Variants in NAALADL2 observed in about 807,000 individuals in gnomAD.
NAALADL2 encodes N-acetylated alpha-linked acidic dipeptidase like 2.
In NAALADL2, 76 loss-of-function variants were observed where a neutral mutation model predicts 87.2. That is an observed-to-expected ratio of 0.87 (90% CI 0.72 to 1.05). NAALADL2 has a LOEUF of 1.05. Among genes scored for constraint, NAALADL2 ranks in the 50% least tolerant of loss-of-function variants. The pLI is 0.00. For synonymous variants in NAALADL2, 354 were observed against 331.0 expected (o/e 1.07, Z -0.75); for missense variants, 1,089 against 945.8 (o/e 1.15, Z -1.99).
chr3:174,936,353 A>G (rs1183542358), intron 1 of NAALADL2, among the ~76,000 whole-genome samples: 1 of 152,000 alleles, frequency 6.6e-6, no homozygotes, highest in Non-Finnish European at 1.5e-5. Flanking sequence ...TAATAATAAT[A>G]ATCTGTTTAG....
intron 2 of NAALADL2, among the ~76,000 whole-genome samples, chr3:174,618,798 A>T (rs1326195605): frequency 6.6e-6 from 1 of 151,918 alleles, no homozygotes; most frequent in Non-Finnish European, 1.5e-5. Context: ...TTAATTTTAT[A>T]AGTGTTATTT....
intron 13 of NAALADL2, among the ~76,000 whole-genome samples, chr3:175,774,785 G>T (rs933646524): frequency 1.3e-5 from 2 of 151,912 alleles, no homozygotes; most frequent in African/African-American, 4.8e-5. Flanking sequence ...ACATACTACC[G>T]AAAAGTAAAA....
At chr3:175,022,284 G>C (rs1291255842) in intron 1 of NAALADL2, among the ~76,000 whole-genome samples, 1 of 151,976 alleles carries the variant, frequency 6.6e-6, no homozygotes, top group Non-Finnish European at 1.5e-5. Context: ...ACTAATCATA[G>C]GGTACAAATA....
chr3:175,118,723 G>A (rs1044111611), intron 2 of NAALADL2, among the ~76,000 whole-genome samples: 3 of 151,784 alleles, frequency 2.0e-5, no homozygotes, highest in African/African-American at 7.3e-5. Flanking sequence ...TGTCAGAATA[G>A]ATTATAGTTC....
At chr3:175,762,192 A>ATTTTTTTTTTTTT (rs55668165) in intron 13 of NAALADL2, among the ~76,000 whole-genome samples, 14 of 114,134 alleles carry the variant, frequency 1.2e-4, no homozygotes, top group East Asian at 5.2e-4. Flanking sequence ...CTGTGTTTCG[A>ATTTTTTTTTTTTT]TTTTTTTTTT....
At chr3:175,426,547 G>A (rs2149142617) in intron 5 of NAALADL2, among the ~76,000 whole-genome samples, 1 of 152,198 alleles carries the variant, frequency 6.6e-6, no homozygotes, top group East Asian at 1.9e-4. Flanking sequence ...TAATGTGTCT[G>A]CAAGGGTATG....
At chr3:175,423,108 G>T (rs185665005) in intron 5 of NAALADL2, among the ~76,000 whole-genome samples, 1 of 138,084 alleles carries the variant, frequency 7.2e-6, no homozygotes, top group African/African-American at 2.7e-5. Context: ...CTTTTAAAAA[G>T]ATTTGCATGC....
intron 3 of NAALADL2, among the ~76,000 whole-genome samples, chr3:174,771,771 A>G (rs1333145451): frequency 6.6e-6 from 1 of 152,340 alleles, no homozygotes; most frequent in Middle Eastern, 3.4e-3. Context: ...GATTATTGTA[A>G]GAATACAAGG....
At chr3:174,930,466 T>C (rs1736694484) in intron 1 of NAALADL2, among the ~76,000 whole-genome samples, 1 of 151,948 alleles carries the variant, frequency 6.6e-6, no homozygotes, top group African/African-American at 2.4e-5. Flanking sequence ...AAACTTATTG[T>C]TGTGTACCTT....
chr3:174,797,305 CTTTTTTT>C (rs1160338109), intron 3 of NAALADL2, among the ~76,000 whole-genome samples: 43 of 72,724 alleles, frequency 5.9e-4, no homozygotes, highest in South Asian at 2.9e-3. Flanking sequence ...TTTCTTTTTT[CTTTTTTT>C]TTTTTTTTTT....
intron 1 of NAALADL2, among the ~76,000 whole-genome samples, chr3:174,954,267 A>T (rs982337314): frequency 6.6e-6 from 1 of 152,134 alleles, no homozygotes; most frequent in Non-Finnish European, 1.5e-5. Context: ...CCCCTTTTAC[A>T]TTTAAACCAT....
intron 1 of NAALADL2, among the ~76,000 whole-genome samples, chr3:174,499,635 G>C (rs995020850): frequency 6.6e-6 from 1 of 151,174 alleles, no homozygotes; most frequent in Non-Finnish European, 1.5e-5. Flanking sequence ...TTCTTTTTGT[G>C]TATGGATTTT....
rs765233495 is a variant in NAALADL2, at chr3:174,797,298, C to CTTTT, written c.-9+59555_-9+59558dup. Among the ~76,000 whole-genome samples, 698 of 97,526 alleles carry CTTTT rather than the reference C, an allele frequency of 7.2e-3. 65 individuals are homozygous for CTTTT. The highest frequency in any genetic ancestry group is 0.015 in the East Asian group (45 of 2,914). 64.0% of individuals were successfully genotyped at this position (97,526 alleles called of 152,430 possible). The stretch of plus-strand genomic sequence containing the variant: ...CTGGGATCTTTTTTCTTTTGTTTTT[C>CTTTT]TTTTTTCTTTTTTTTTTTTTTTTTT... On this transcript the variant is annotated intron_variant, in intron 3 of 3. Coordinates refer to the NAALADL2 transcript ENST00000434257.
At chr3:174,762,571 A>G (rs1329272187) in intron 3 of NAALADL2, among the ~76,000 whole-genome samples, 2 of 151,816 alleles carry the variant, frequency 1.3e-5, no homozygotes, top group Non-Finnish European at 2.9e-5. Flanking sequence ...AATCCCAGCT[A>G]TTTATGGAAA....
rs140464077 is a variant in NAALADL2, at chr3:175,740,299, C to G, written c.1990+2900C>G. Among the ~76,000 whole-genome samples the G allele has an allele frequency of 4.2e-3, 643 of 152,224 alleles. 6 individuals carry two copies. Among genetic ancestry groups the G allele is most frequent in the African/African-American group, 0.015 (614 of 41,544 alleles). ...CATTGGTGATCTTAACAAACAAAAT[C>G]ATTTTAGTAGATTAGTATAAGCAAA... On this transcript the variant is annotated intron_variant, in intron 12 of 13. Transcript: ENST00000454872.
At chr3:175,305,675 A>T (rs1031216480) in intron 4 of NAALADL2, among the ~76,000 whole-genome samples, 2 of 152,024 alleles carry the variant, frequency 1.3e-5, no homozygotes, top group Non-Finnish European at 2.9e-5. Context: ...GGCATGCACC[A>T]CCACGCCCGG....
chr3:175,721,281 C>T (rs988080642), intron 11 of NAALADL2, among the ~76,000 whole-genome samples: 1 of 151,898 alleles, frequency 6.6e-6, no homozygotes, highest in Non-Finnish European at 1.5e-5. Context: ...AGGGGAAAAA[C>T]TCAGTCAAGC....
chr3:175,606,751 C>G (rs779058959), intron 10 of NAALADL2, among the ~76,000 whole-genome samples: 1 of 152,094 alleles, frequency 6.6e-6, no homozygotes, highest in African/African-American at 2.4e-5. Flanking sequence ...GAAAACCTAG[C>G]ATACTTCTGT....
chr3:175,146,162 T>C (rs950660166), intron 2 of NAALADL2, among the ~76,000 whole-genome samples: 9 of 152,222 alleles, frequency 5.9e-5, no homozygotes, highest in African/African-American at 2.2e-4. Flanking sequence ...TTCTTGAATT[T>C]TAAATTTGGC....
Sources: allele counts gnomAD v4.1 joint callset (sites outside exome capture counted in the v4.1 genomes callset), GRCh38; gene constraint gnomAD v4.1.1; transcripts MANE v1.5; gene names NCBI Gene and HGNC (gene_info 2026-07-23, HGNC 2026-07-21).